DPP10: variants seen among roughly 807,000 people sequenced by gnomAD.
DPP10 encodes inactive dipeptidyl peptidase 10.
A neutral mutation model predicts 120.9 loss-of-function variants in DPP10; 33 were observed. That is an observed-to-expected ratio of 0.27 (90% CI 0.21 to 0.37). DPP10 has a LOEUF of 0.37. Among genes scored for constraint, DPP10 ranks in the 10% least tolerant of loss-of-function variants. DPP10 has a pLI of 1.00. For missense variants in DPP10, 816 were observed against 942.8 expected (o/e 0.87, Z 1.76); for synonymous variants, 337 against 326.1 (o/e 1.03, Z -0.36).
At chr2:115,753,075 G>T in intron 10 of DPP10, 99 bp from the exon 11 acceptor site, 3 of 1,102,194 alleles carry the variant, frequency 2.7e-6, no homozygotes, top group Non-Finnish European at 3.8e-6. Context: ...CCTTATAGTG[G>T]TTCAGTTATT....
chr2:114,965,863 G>T (rs542360710), intron 1 of DPP10, among the ~76,000 whole-genome samples: 1 of 151,098 alleles, frequency 6.6e-6, no homozygotes, highest in South Asian at 2.1e-4. Context: ...CTACTCAGGA[G>T]GCTGAGGCAG....
At chr2:115,282,487 A>G (rs979173285) in intron 1 of DPP10, among the ~76,000 whole-genome samples, 8 of 151,570 alleles carry the variant, frequency 5.3e-5, no homozygotes, top group South Asian at 2.1e-4. Context: ...TCTCACTTCC[A>G]GTAGAGATAT....
chr2:115,651,669 C>T (rs1420089028), intron 5 of DPP10, among the ~76,000 whole-genome samples: 2 of 151,956 alleles, frequency 1.3e-5, no homozygotes, highest in African/African-American at 2.4e-5. Flanking sequence ...AATGTCTGCC[C>T]TGTCAGCTTT....
At chr2:115,032,192 G>GTTTTT (rs71883245) in intron 1 of DPP10, among the ~76,000 whole-genome samples, 1 of 150,452 alleles carries the variant, frequency 6.6e-6, no homozygotes, top group Non-Finnish European at 1.5e-5. Flanking sequence ...AACTCTAGAA[G>GTTTTT]TTTTTTTTTT....
chr2:114,667,692 G>A (rs1698032366), intron 1 of DPP10, among the ~76,000 whole-genome samples: 1 of 152,162 alleles, frequency 6.6e-6, no homozygotes, highest in Non-Finnish European at 1.5e-5. Context: ...TTGAGTAAAT[G>A]CTGCTACAGA....
chr2:115,615,717 AAATT>A, intron 5 of DPP10, among the ~76,000 whole-genome samples: 1 of 152,294 alleles, frequency 6.6e-6, no homozygotes, highest in African/African-American at 2.4e-5. Flanking sequence ...GGGATTAGGA[AAATT>A]AATGTCAAAT....
intron 5 of DPP10, among the ~76,000 whole-genome samples, chr2:115,660,984 C>T (rs917720922): frequency 7.0e-5 from 2 of 28,684 alleles, no homozygotes; most frequent in African/African-American, 7.9e-5. Flanking sequence ...TTTTATTTCT[C>T]TGTCCACCCA....
At chr2:115,352,925 C>T (rs2064131127) in intron 3 of DPP10, among the ~76,000 whole-genome samples, 1 of 151,876 alleles carries the variant, frequency 6.6e-6, no homozygotes, top group African/African-American at 2.4e-5. Flanking sequence ...GCTGTGTACG[C>T]CCTGCCTCTC....
rs79155150 is a variant in DPP10, at chr2:115,302,446, A to T, written c.61-6793A>T. 2.2e-3 allele frequency among the ~76,000 whole-genome samples: 332 copies of T among 152,112 alleles called. 3 individuals are homozygous for T. In the Middle Eastern group the frequency reaches 0.027, roughly 12 times the overall value. Reference sequence around the variant, plus strand: ...GGCAACATAGCAAGACCCCATCTCTACACAAAATATATAGAAAAAAAGTAG... The same window carrying T: ...GGCAACATAGCAAGACCCCATCTCTTCACAAAATATATAGAAAAAAAGTAG... On this transcript the variant is annotated intron_variant, in intron 1 of 25. Coordinates refer to ENST00000410059, the MANE Select transcript of DPP10 (RefSeq NM_020868.6).
chr2:115,115,445 T>C (rs762187025), intron 1 of DPP10, among the ~76,000 whole-genome samples: 20 of 152,180 alleles, frequency 1.3e-4, no homozygotes, highest in Non-Finnish European at 2.2e-4. Context: ...GGAGACCCGT[T>C]TGAATCATCA....
chr2:114,457,033 G>C (rs1034786722), intron 1 of DPP10, among the ~76,000 whole-genome samples: 1 of 152,150 alleles, frequency 6.6e-6, no homozygotes, highest in Non-Finnish European at 1.5e-5. Flanking sequence ...GAGAAGTTTC[G>C]AGAAAGAGTT....
At position 115,617,292 on chromosome 2, in the gene DPP10, A is replaced by ACC. The variant is rs2084593063; in HGVS notation, c.442-72394_442-72393insCC. ...ATTTTTTATATATATATATATATAC[A>ACC]CACATAGCATATATGTATATGCTAT... On this transcript the variant is annotated intron_variant, in intron 5 of 25. Coordinates refer to ENST00000410059, the MANE Select transcript of DPP10 (RefSeq NM_020868.6). 2.1e-5 allele frequency among the ~76,000 whole-genome samples: 3 copies of ACC among 146,188 alleles called. No homozygotes were observed. The Admixed American group carries it at 2.1e-4, about 10-fold the overall frequency.
intron 5 of DPP10, among the ~76,000 whole-genome samples, chr2:115,667,985 A>G (rs1208952552): frequency 3.3e-5 from 5 of 152,108 alleles, no homozygotes; most frequent in Non-Finnish European, 2.9e-5. Context: ...TATGTTAAAT[A>G]TATGTGTCAT....
intron 1 of DPP10, among the ~76,000 whole-genome samples, chr2:114,946,139 G>T (rs1374239409): frequency 6.6e-6 from 1 of 152,122 alleles, no homozygotes; most frequent in East Asian, 1.9e-4. Context: ...ACAGAAGAAA[G>T]AACTTAGGTA....
At chr2:115,148,696 A>C (rs1559147436) in intron 1 of DPP10, among the ~76,000 whole-genome samples, 1 of 152,142 alleles carries the variant, frequency 6.6e-6, no homozygotes, top group African/African-American at 2.4e-5. Flanking sequence ...GCACTGTTTA[A>C]ACTTTTATTT....
At chr2:114,588,482 T>C (rs887695317) in intron 1 of DPP10, among the ~76,000 whole-genome samples, 1 of 152,188 alleles carries the variant, frequency 6.6e-6, no homozygotes, top group Non-Finnish European at 1.5e-5. Flanking sequence ...TAATGTATTA[T>C]ATAATTTCAA....
At chr2:114,874,475 G>T (rs1274883237) in intron 1 of DPP10, among the ~76,000 whole-genome samples, 1 of 151,820 alleles carries the variant, frequency 6.6e-6, no homozygotes, top group Non-Finnish European at 1.5e-5. Context: ...GAGTAGACTG[G>T]ACATAAGCAA....
intron 1 of DPP10, among the ~76,000 whole-genome samples, chr2:115,029,127 T>C (rs1703669342): frequency 6.6e-6 from 1 of 152,128 alleles, no homozygotes; most frequent in East Asian, 1.9e-4. Context: ...TATAACTCAT[T>C]TTTTTCTTTT....
At chr2:115,796,447 T>G (rs967824065) in intron 19 of DPP10, among the ~76,000 whole-genome samples, 17 of 152,114 alleles carry the variant, frequency 1.1e-4, no homozygotes, top group Non-Finnish European at 2.9e-5. Flanking sequence ...CATCAATGAA[T>G]AAGTAAACAA....
Sources: allele counts gnomAD v4.1 joint callset (sites outside exome capture counted in the v4.1 genomes callset), GRCh38; gene constraint gnomAD v4.1.1; transcripts MANE v1.5; gene names NCBI Gene and HGNC (gene_info 2026-07-23, HGNC 2026-07-21).